CORO2B: variants seen among roughly 807,000 people sequenced by gnomAD.
CORO2B encodes the protein coronin 2B.
In CORO2B, 26 loss-of-function variants were observed where a neutral mutation model predicts 58.8. That is an observed-to-expected ratio of 0.44 (90% confidence interval 0.32 to 0.61). CORO2B has a LOEUF of 0.61. CORO2B is among the 20% of genes least tolerant of loss of function. CORO2B has a pLI of 0.04. For missense variants in CORO2B, 460 were observed against 645.1 expected (o/e 0.71, Z 3.11); for synonymous variants, 242 against 253.8 (o/e 0.95, Z 0.44).
chr15:68,561,012 C>T, the CORO2B span, among the ~76,000 whole-genome samples: 1 of 152,164 alleles, frequency 6.6e-6, no homozygotes. Context: ...GGCCATATTT[C>T]CCCCAAAGGA....
At chr15:68,668,330 A>T (rs1026190062) in intron 2 of CORO2B, among the ~76,000 whole-genome samples, 1 of 151,988 alleles carries the variant, frequency 6.6e-6, no homozygotes. Context: ...TGCAGACAAC[A>T]CAGACAAGGT....
chr15:68,614,938 G>A (rs1268018363), intron 1 of CORO2B, among the ~76,000 whole-genome samples: 6 of 152,354 alleles, frequency 3.9e-5, no homozygotes, highest in African/African-American at 1.2e-4. Flanking sequence ...TGTGGAAGTC[G>A]GGTGGGGTGG....
chr15:68,630,186 G>A (rs1900789286), intron 1 of CORO2B, among the ~76,000 whole-genome samples: 1 of 152,162 alleles, frequency 6.6e-6, no homozygotes, highest in Non-Finnish European at 1.5e-5. Flanking sequence ...GAAAAAGAGG[G>A]AAAAAATCTC....
At chr15:68,542,472 T>G in the CORO2B span, among the ~76,000 whole-genome samples, 1 of 152,266 alleles carries the variant, frequency 6.6e-6, no homozygotes, top group Non-Finnish European at 1.5e-5. Flanking sequence ...CTTTTCATTG[T>G]TTTTTGCTTT....
intron 2 of CORO2B, among the ~76,000 whole-genome samples, chr15:68,662,658 T>A (rs930123831): frequency 2.6e-4 from 39 of 152,332 alleles, no homozygotes; most frequent in African/African-American, 9.4e-4. Flanking sequence ...CACTTGAGCT[T>A]CCTGCAATAG....
chr15:68,525,167 C>A, the CORO2B span, among the ~76,000 whole-genome samples: 2 of 152,190 alleles, frequency 1.3e-5, no homozygotes, highest in Admixed American at 6.5e-5. Context: ...ATAAAGCAAA[C>A]TGACATCATA....
chr15:68,683,129 C>G (rs1211541174), intron 2 of CORO2B, among the ~76,000 whole-genome samples: 3 of 152,206 alleles, frequency 2.0e-5, no homozygotes, highest in Non-Finnish European at 4.4e-5. Context: ...GGAACCTGCT[C>G]CTGACCTTGA....
At chr15:68,606,106 G>T (rs1900116770) in intron 1 of CORO2B, among the ~76,000 whole-genome samples, 1 of 152,118 alleles carries the variant, frequency 6.6e-6, no homozygotes, top group Admixed American at 6.5e-5. Flanking sequence ...GCAGATTGGG[G>T]TGGGGAGAAG....
At chr15:68,603,812 C>A (rs1407951726) in intron 1 of CORO2B, among the ~76,000 whole-genome samples, 5 of 152,174 alleles carry the variant, frequency 3.3e-5, no homozygotes, top group Admixed American at 2.0e-4. Context: ...AAATAAATAT[C>A]TGTTGTTTAA....
At chr15:68,705,885 A>C (rs1892772832) in intron 3 of CORO2B, among the ~76,000 whole-genome samples, 1 of 152,168 alleles carries the variant, frequency 6.6e-6, no homozygotes, top group Non-Finnish European at 1.5e-5. Context: ...CCTGAGCCTC[A>C]AGACAGGTTA....
rs569264767 is a variant in CORO2B at position 68,641,398 on chromosome 15, C to T, written c.16-3762C>T. The T allele has an allele frequency of 1.4e-5, 5 of 356,680 alleles. No homozygotes were observed. The East Asian group carries it at 5.0e-4, about 36-fold the overall frequency. 22.1% of individuals were successfully genotyped at this position (356,680 alleles called of 1,614,324 possible). A position where few individuals can be genotyped will look rare whatever the true frequency, so the allele number is the denominator to read the frequency against. On this transcript the variant is annotated intron_variant, in intron 1 of 11. Transcript: ENST00000261861. ...GAGCCTTCACCACAGATGCCTCCTT[C>T]CTGTGTCTACACCCTGAGGACTGGG...
intron 1 of CORO2B, among the ~76,000 whole-genome samples, chr15:68,644,648 C>T (rs563716101): frequency 1.1e-4 from 17 of 152,132 alleles, no homozygotes; most frequent in African/African-American, 3.4e-4. Flanking sequence ...CTAGAGAATC[C>T]GAGGGGATGA....
chr15:68,582,135 CA>C, intron 1 of CORO2B, among the ~76,000 whole-genome samples: 1 of 152,324 alleles, frequency 6.6e-6, no homozygotes, highest in African/African-American at 2.4e-5. Context: ...AACCATGAGG[CA>C]CAGCTGCTAA....
At position 68,708,537 on chromosome 15, in the gene CORO2B, A is replaced by AT. The variant is rs372309594; in HGVS notation, c.334-2188dup. Among the ~76,000 whole-genome samples, 1,387 of 149,110 alleles carry AT rather than the reference A, an allele frequency of 9.3e-3. 19 individuals are homozygous for AT. Among genetic ancestry groups the AT allele is most frequent in the African/African-American group, 0.033 (1,331 of 40,586 alleles). On this transcript the variant is annotated intron_variant, in intron 3 of 11. Transcript: ENST00000261861. ...CACTACGCCTGGCTAATTTTTTTGTATTTTTTTAGTAGAGATGGGTTTCTC... is the reference window on the plus strand; with the variant it reads ...CACTACGCCTGGCTAATTTTTTTGTATTTTTTTTAGTAGAGATGGGTTTCTC...
At chr15:68,670,091 T>A (rs1472109022) in intron 2 of CORO2B, among the ~76,000 whole-genome samples, 1 of 151,502 alleles carries the variant, frequency 6.6e-6, no homozygotes, top group Non-Finnish European at 1.5e-5. Context: ...TAAAGAAAAA[T>A]TTAAAAATTT....
At chr15:68,692,375 A>G (rs922395407) in intron 2 of CORO2B, among the ~76,000 whole-genome samples, 4 of 152,120 alleles carry the variant, frequency 2.6e-5, no homozygotes, top group African/African-American at 9.7e-5. Context: ...ACCTGAGGTC[A>G]GGAGTTCAAA....
At chr15:68,622,982 C>G (rs1595973575) in intron 1 of CORO2B, among the ~76,000 whole-genome samples, 1 of 152,026 alleles carries the variant, frequency 6.6e-6, no homozygotes, top group African/African-American at 2.4e-5. Flanking sequence ...AGGTAAACCC[C>G]ATTAATATCA....
chr15:68,545,608 GGGGC>G, the CORO2B span, among the ~76,000 whole-genome samples: 966 of 130,560 alleles, frequency 7.4e-3, 34 homozygotes, highest in African/African-American at 0.017. Flanking sequence ...AGGAATGCGG[GGGGC>G]GGGGGGGGTA....
chr15:68,549,989 C>T, the CORO2B span, among the ~76,000 whole-genome samples: 1 of 56,826 alleles, frequency 1.8e-5, no homozygotes, highest in Non-Finnish European at 4.0e-5. Flanking sequence ...AATAAAGTTG[C>T]TGGTGACCGT....
Sources: allele counts gnomAD v4.1 joint callset (sites outside exome capture counted in the v4.1 genomes callset), GRCh38; gene constraint gnomAD v4.1.1; transcripts MANE v1.5; gene names NCBI Gene and HGNC (gene_info 2026-07-23, HGNC 2026-07-21).